GNAL: variants seen among roughly 807,000 people sequenced by gnomAD.
The protein encoded by GNAL is guanine nucleotide-binding protein G(olf) subunit alpha.
In GNAL, 18 loss-of-function variants were observed where a neutral mutation model predicts 55.1. That is an observed-to-expected ratio of 0.33 (90% CI 0.23 to 0.48). The LOEUF (loss-of-function observed/expected upper bound fraction) is 0.48. Ranked by LOEUF, GNAL falls within the 20% of genes least tolerant of loss-of-function variation. The pLI is 0.99. For synonymous variants in GNAL, 253 were observed against 237.0 expected (o/e 1.07, Z -0.62); for missense variants, 412 against 614.1 (o/e 0.67, Z 3.48).
At chr18:11,807,705 T>G (rs994713099) in intron 4 of GNAL, among the ~76,000 whole-genome samples, 1 of 152,168 alleles carries the variant, frequency 6.6e-6, no homozygotes, top group African/African-American at 2.4e-5. Context: ...CACTAGTATA[T>G]TCATGGTGTG....
intron 4 of GNAL, chr18:11,810,751 A>G (rs1479016462): frequency 1.3e-5 from 2 of 152,108 alleles, no homozygotes; most frequent in African/African-American, 4.8e-5. Context: ...CCTGTGGCAT[A>G]TTTTTCCTAG....
chr18:11,761,731 G>T (rs565033528), intron 4 of GNAL, among the ~76,000 whole-genome samples: 2 of 152,150 alleles, frequency 1.3e-5, no homozygotes, highest in Admixed American at 6.5e-5. Context: ...TGTGCTCACC[G>T]CAGTGCACCT....
At chr18:11,823,363 T>C (rs2035155545) in intron 4 of GNAL, among the ~76,000 whole-genome samples, 2 of 152,066 alleles carry the variant, frequency 1.3e-5, no homozygotes, top group Admixed American at 6.6e-5. Flanking sequence ...CTGGGAACCA[T>C]TTGGGTTTGC....
At position 11,884,342 on chromosome 18, in the gene GNAL, G is replaced by A. The variant is rs981991164; in HGVS notation, c.*3207G>A. On this transcript the variant is annotated 3_prime_UTR_variant, in exon 12 of 12. Transcript: ENST00000334049. ...TGATTGAGAATTTCTGTGCTGTGCAGAGAGACGGCCTGTAATTGGTCTCAT... is the reference window on the plus strand; with the variant it reads ...TGATTGAGAATTTCTGTGCTGTGCAAAGAGACGGCCTGTAATTGGTCTCAT... The A allele has an allele frequency of 1.8e-6, 2 of 1,087,572 alleles. No individual in the cohort carries two copies. Among genetic ancestry groups the A allele is most frequent in the Non-Finnish European group, 2.7e-6 (2 of 735,604 alleles). The allele number at this position is 1,087,572 out of a possible 1,614,324, so 67.4% of individuals were successfully genotyped here.
chr18:11,856,036 G>C lies in GNAL; in HGVS notation c.723-6359G>C, dbSNP rs575256597. Among the ~76,000 whole-genome samples, 18 of 150,952 alleles carry C rather than the reference G, an allele frequency of 1.2e-4. 1 individual carries two copies. The highest frequency in any genetic ancestry group is 4.4e-4 in the African/African-American group (18 of 40,458). On this transcript the variant is annotated intron_variant, in intron 5 of 11. Transcript: ENST00000334049. ...AAGAGAACCTTATTAACTGAGCATA[G>C]TATCAGCATCAGCTGGCCAAGCACA...
At chr18:11,808,562 T>C (rs974164692) in intron 4 of GNAL, among the ~76,000 whole-genome samples, 1 of 152,208 alleles carries the variant, frequency 6.6e-6, no homozygotes, top group African/African-American at 2.4e-5. Flanking sequence ...ATTAATCATG[T>C]TGAGTGACTA....
At chr18:11,807,642 T>C (rs58296571) in intron 4 of GNAL, among the ~76,000 whole-genome samples, 9,904 of 152,194 alleles carry the variant, frequency 0.065, 480 homozygotes, top group African/African-American at 0.13. Flanking sequence ...CAATTGGATG[T>C]GCAAGTCCAG....
At chr18:11,702,897 C>G (rs1164187009) in intron 1 of GNAL, among the ~76,000 whole-genome samples, 1 of 151,666 alleles carries the variant, frequency 6.6e-6, no homozygotes, top group Non-Finnish European at 1.5e-5. Context: ...GCGGGTAGAT[C>G]ACATGAGGTC....
intron 5 of GNAL, among the ~76,000 whole-genome samples, chr18:11,861,363 C>T (rs2036133077): frequency 6.6e-6 from 1 of 152,076 alleles, no homozygotes; most frequent in Admixed American, 6.6e-5. Context: ...CCCCGAGGGA[C>T]CCAGCCTCTC....
chr18:11,743,411 C>T (rs1188204945), intron 1 of GNAL, among the ~76,000 whole-genome samples: 3 of 151,906 alleles, frequency 2.0e-5, no homozygotes, highest in Admixed American at 6.5e-5. Context: ...TTGTGGAGTC[C>T]GACTCACTTT....
At chr18:11,794,759 T>TAAAA (rs775143875) in intron 4 of GNAL, among the ~76,000 whole-genome samples, 4 of 90,368 alleles carry the variant, frequency 4.4e-5, no homozygotes, top group South Asian at 3.8e-4. Flanking sequence ...ACACACAGGT[T>TAAAA]AAAAAAAAAA....
chr18:11,689,430 C>A lies in GNAL; in HGVS notation c.-134C>A. The A allele has an allele frequency of 2.6e-6, 1 of 389,392 alleles. No homozygotes were observed. The allele number at this position is 389,392 out of a possible 1,614,324, so 24.1% of individuals were successfully genotyped here. ...TCCCGCAGCTGGCGGCCGGCAGCGC[C>A]GAACAGGGTCCGGGTGCAGCCCCCT... is the stretch of plus-strand genomic sequence containing the variant. On this transcript the variant is annotated 5_prime_UTR_variant, in exon 1 of 12. Transcript: ENST00000334049.
At chr18:11,698,052 G>T (rs968369512) in intron 1 of GNAL, among the ~76,000 whole-genome samples, 3 of 152,282 alleles carry the variant, frequency 2.0e-5, no homozygotes, top group Non-Finnish European at 2.9e-5. Flanking sequence ...GGAGGGCCCA[G>T]GATAGGAGGC....
intron 5 of GNAL, among the ~76,000 whole-genome samples, chr18:11,837,557 C>T (rs1249630): frequency 0.6 from 90,740 of 152,058 alleles, 30,511 homozygotes; most frequent in Admixed American, 0.76. Context: ...AAAGCAAAAC[C>T]ACAGTGACAT....
intron 1 of GNAL, among the ~76,000 whole-genome samples, chr18:11,719,600 T>C (rs1046946709): frequency 8.5e-5 from 13 of 152,244 alleles, no homozygotes; most frequent in African/African-American, 3.1e-4. Flanking sequence ...TCATGCAATC[T>C]GTTGATACTA....
intron 4 of GNAL, among the ~76,000 whole-genome samples, chr18:11,794,332 G>A (rs560909520): frequency 6.6e-6 from 1 of 152,304 alleles, no homozygotes; most frequent in East Asian, 1.9e-4. Context: ...ACAACCCAAT[G>A]TTCATCAACA....
At chr18:11,696,250 C>T (rs950815547) in intron 1 of GNAL, among the ~76,000 whole-genome samples, 31 of 152,168 alleles carry the variant, frequency 2.0e-4, no homozygotes, top group Non-Finnish European at 4.0e-4. Context: ...CCTCTGTAAT[C>T]CCAGCACTTT....
At position 11,846,426 on chromosome 18, in the gene GNAL, C is replaced by CATATATAA. The variant is rs1049083265; in HGVS notation, c.723-15955_723-15948dup. ...TTTTTTATATATAAATATATAAATA[C>CATATATAA]ATATATAAATATATAAATATAAATA... On this transcript the variant is annotated intron_variant, in intron 5 of 11. Transcript: ENST00000334049. Among the ~76,000 whole-genome samples the CATATATAA allele has an allele frequency of 4.2e-5, 6 of 143,340 alleles. No individual in the cohort carries two copies. In the Admixed American group the frequency reaches 4.4e-4, roughly 11 times the overall value. 94.0% of individuals were successfully genotyped at this position (143,340 alleles called of 152,430 possible).
chr18:11,831,441 G>A (rs529566972), intron 5 of GNAL, among the ~76,000 whole-genome samples: 18 of 152,208 alleles, frequency 1.2e-4, no homozygotes, highest in Admixed American at 8.5e-4. Flanking sequence ...ATATGTGTGC[G>A]GATAGGGACC....
Sources: allele counts gnomAD v4.1 joint callset (sites outside exome capture counted in the v4.1 genomes callset), GRCh38; gene constraint gnomAD v4.1.1; transcripts MANE v1.5; gene names NCBI Gene and HGNC (gene_info 2026-07-23, HGNC 2026-07-21).